Variants in GABRA2 observed in about 807,000 individuals in gnomAD.
The protein encoded by GABRA2 is gamma-aminobutyric acid type A receptor subunit alpha2, also known as gamma-aminobutyric acid receptor subunit alpha-2.
Under a neutral mutation model 48.7 loss-of-function variants are expected in GABRA2, and 16 were observed. That is an observed-to-expected ratio of 0.33 (90% CI 0.22 to 0.50). The LOEUF is 0.50. GABRA2 is among the 20% of genes least tolerant of loss of function. The pLI, the probability that GABRA2 is intolerant of heterozygous loss-of-function variation, is 0.98. For synonymous variants in GABRA2, 185 were observed against 184.5 expected, an observed-to-expected ratio of 1.00 and a Z score of -0.02; for missense variants, 275 against 535.6, an observed-to-expected ratio of 0.51 and a Z score of 4.80.
chr4:46,379,844 C>T (rs1716517940), intron 3 of GABRA2, among the ~76,000 whole-genome samples: 1 of 152,170 alleles, frequency 6.6e-6, no homozygotes, highest in African/African-American at 2.4e-5. Flanking sequence ...AACTACTTAA[C>T]AGCTCAGCTC....
intron 3 of GABRA2, among the ~76,000 whole-genome samples, chr4:46,349,974 A>T (rs958464935): frequency 1.3e-5 from 2 of 151,898 alleles, no homozygotes; most frequent in Non-Finnish European, 2.9e-5. Flanking sequence ...TGAATTCCAA[A>T]TGTGTGATAA....
intron 3 of GABRA2, among the ~76,000 whole-genome samples, chr4:46,361,291 C>G (rs190810160): frequency 4.9e-4 from 75 of 152,210 alleles, no homozygotes; most frequent in Admixed American, 1.4e-3. Context: ...CTGCTGTGTG[C>G]AGTATAGGGA....
At chr4:46,297,622 A>G (rs1429003839) in intron 8 of GABRA2, among the ~76,000 whole-genome samples, 1 of 150,112 alleles carries the variant, frequency 6.7e-6, no homozygotes, top group Non-Finnish European at 1.5e-5. Context: ...TTCTGATTTT[A>G]TTTTTTGAAT....
chr4:46,361,530 C>A (rs1713184114), intron 3 of GABRA2, among the ~76,000 whole-genome samples: 1 of 152,178 alleles, frequency 6.6e-6, no homozygotes, highest in Non-Finnish European at 1.5e-5. Context: ...AGGGGCAGGG[C>A]CCTCATGGAG....
intron 8 of GABRA2, among the ~76,000 whole-genome samples, chr4:46,273,494 TATATATGC>T (rs1458854351): frequency 6.5e-4 from 25 of 38,326 alleles, no homozygotes; most frequent in African/African-American, 2.7e-3. Flanking sequence ...CATATATATA[TATATATGC>T]ATATATATAT....
chr4:46,344,541 G>T (rs529188590), intron 3 of GABRA2, among the ~76,000 whole-genome samples: 1 of 151,990 alleles, frequency 6.6e-6, no homozygotes, highest in East Asian at 1.9e-4. Context: ...TGCTTTGCTT[G>T]TTTAAGGCAG....
In GABRA2 at chr4:46,322,309, T is replaced by C. The variant is rs116194591; in HGVS notation, c.256-9593A>G. ...GTAATGTGAGAAAGGGAGTTTGAAATAATAAAATCTTGCTGATTTCAGTCA... is the reference window on the plus strand; with the variant it reads ...GTAATGTGAGAAAGGGAGTTTGAAACAATAAAATCTTGCTGATTTCAGTCA... On this transcript the variant is annotated intron_variant, in intron 4 of 9. Coordinates refer to ENST00000381620, the MANE Select transcript of GABRA2 (RefSeq NM_000807.4). Among the ~76,000 whole-genome samples, 547 of 151,962 alleles carry C rather than the reference T, an allele frequency of 3.6e-3. 2 individuals are homozygous for C. Among genetic ancestry groups the C allele is most frequent in the African/African-American group, 0.012 (495 of 41,480 alleles).
chr4:46,258,972 G>A (rs1435310899), intron 9 of GABRA2, among the ~76,000 whole-genome samples: 1 of 151,870 alleles, frequency 6.6e-6, no homozygotes, highest in Non-Finnish European at 1.5e-5. Flanking sequence ...ACAGAAAAGA[G>A]GGGAGAAGCT....
At chr4:46,345,422 G>A (rs76707584) in intron 3 of GABRA2, among the ~76,000 whole-genome samples, 5,538 of 151,918 alleles carry the variant, frequency 0.036, 153 homozygotes, top group Non-Finnish European at 0.054. Flanking sequence ...TGCTCTGCCT[G>A]AGGGCTTTCT....
chr4:46,389,916 G>A lies in GABRA2; in HGVS notation c.-192C>T. The A allele has an allele frequency of 1.0e-6, 1 of 987,752 alleles. No homozygotes were observed. Among genetic ancestry groups the A allele is most frequent in the Non-Finnish European group, 1.2e-6 (1 of 831,766 alleles). The allele number at this position is 987,752 out of a possible 1,614,324, so 61.2% of individuals were successfully genotyped here. On this transcript the variant is annotated 5_prime_UTR_variant, in exon 1 of 10. Coordinates refer to ENST00000381620, the MANE Select transcript of GABRA2 (RefSeq NM_000807.4). Reference sequence around the variant, plus strand: ...GAGCGATGGGCTGGTGGAAGCCGGAGAGGAGCGCTAGGAGCCGCGGCGGCG... The same window carrying A: ...GAGCGATGGGCTGGTGGAAGCCGGAAAGGAGCGCTAGGAGCCGCGGCGGCG...
At chr4:46,256,880 C>A (rs1715942149) in intron 9 of GABRA2, among the ~76,000 whole-genome samples, 1 of 151,678 alleles carries the variant, frequency 6.6e-6, no homozygotes, top group Admixed American at 6.6e-5. Context: ...CATTCCATAA[C>A]TGTTTGCATA....
intron 3 of GABRA2, among the ~76,000 whole-genome samples, chr4:46,363,123 C>A (rs1713476598): frequency 6.6e-6 from 1 of 151,952 alleles, no homozygotes; most frequent in South Asian, 2.1e-4. Context: ...AGACATACAC[C>A]AAATCACTTC....
chr4:46,287,448 C>T (rs1722772469), intron 8 of GABRA2, among the ~76,000 whole-genome samples: 1 of 151,438 alleles, frequency 6.6e-6, no homozygotes, highest in African/African-American at 2.4e-5. Context: ...ACTATGCAGC[C>T]ATAAAAAATG....
intron 4 of GABRA2, among the ~76,000 whole-genome samples, chr4:46,329,328 G>A (rs1242763659): frequency 6.6e-6 from 1 of 152,116 alleles, no homozygotes; most frequent in Non-Finnish European, 1.5e-5. Flanking sequence ...GTAGTCACAA[G>A]AGAAGGGAGC....
At chr4:46,257,812 T>C (rs1560436996) in intron 9 of GABRA2, among the ~76,000 whole-genome samples, 1 of 151,680 alleles carries the variant, frequency 6.6e-6, no homozygotes, top group Non-Finnish European at 1.5e-5. Flanking sequence ...GGTGAAAATA[T>C]GGTCTAAGAT....
chr4:46,330,850 C>G (rs1328742189), intron 4 of GABRA2, among the ~76,000 whole-genome samples: 1 of 151,946 alleles, frequency 6.6e-6, no homozygotes, highest in African/African-American at 2.4e-5. Flanking sequence ...AAAATTCTGA[C>G]TCTACTTGAT....
intron 8 of GABRA2, among the ~76,000 whole-genome samples, chr4:46,274,012 G>A (rs150121515): frequency 2.0e-5 from 3 of 151,670 alleles, no homozygotes; most frequent in African/African-American, 7.2e-5. Flanking sequence ...AGCTATAAGC[G>A]GGGGGGCAGA....
At chr4:46,330,579 T>TAGAG (rs1268003888) in intron 4 of GABRA2, among the ~76,000 whole-genome samples, 7 of 113,766 alleles carry the variant, frequency 6.2e-5, no homozygotes, top group East Asian at 6.2e-4. Flanking sequence ...TATATATATA[T>TAGAG]ATATATATAT....
intron 3 of GABRA2, among the ~76,000 whole-genome samples, chr4:46,382,314 T>G (rs1433547400): frequency 2.0e-5 from 3 of 151,864 alleles, no homozygotes; most frequent in African/African-American, 7.3e-5. Flanking sequence ...AGGGTTGACC[T>G]CGTTGAGAAG....
Sources: allele counts gnomAD v4.1 joint callset (sites outside exome capture counted in the v4.1 genomes callset), GRCh38; gene constraint gnomAD v4.1.1; transcripts MANE v1.5; gene names NCBI Gene and HGNC (gene_info 2026-07-23, HGNC 2026-07-21).